NFS1: variants seen among roughly 807,000 people sequenced by gnomAD.
NFS1 encodes the protein cysteine desulfurase.
NFS1 carries 26 observed loss-of-function variants against 57.3 expected under a neutral mutation model. The ratio of observed to expected loss-of-function variants is 0.45; its 90% CI spans 0.33 to 0.63. The LOEUF is 0.63. NFS1 is among the 20% of genes least tolerant of loss of function. The pLI, the probability that NFS1 is intolerant of heterozygous loss-of-function variation, is 0.02. For missense variants in NFS1, 505 were observed against 605.8 expected, an observed-to-expected ratio of 0.83 and a Z score of 1.75; for synonymous variants, 209 against 216.3, an observed-to-expected ratio of 0.97 and a Z score of 0.30.
chr20:35,670,874 A>C (rs1335521321), intron 12 of NFS1, among the ~76,000 whole-genome samples: 1 of 152,210 alleles, frequency 6.6e-6, no homozygotes, highest in Non-Finnish European at 1.5e-5. Context: ...AAAAATCCAG[A>C]ACACAGAAAG....
At chr20:35,678,528 C>CA (rs1169564584) in intron 7 of NFS1, among the ~76,000 whole-genome samples, 2,174 of 56,810 alleles carry the variant, frequency 0.038, 36 homozygotes, top group Non-Finnish European at 0.048. Flanking sequence ...GACTTTGTCT[C>CA]AAAAAAAAAA....
intron 4 of NFS1, chr20:35,694,682 G>A (rs1017378488): frequency 5.9e-5 from 9 of 152,078 alleles, no homozygotes; most frequent in Non-Finnish European, 1.2e-4. Flanking sequence ...GAGGTCAGGA[G>A]ATCGAGACCA....
intron 7 of NFS1, among the ~76,000 whole-genome samples, chr20:35,676,775 A>AAAAAAAAAAAAC: frequency 6.7e-6 from 1 of 148,894 alleles, no homozygotes; most frequent in Non-Finnish European, 1.5e-5. Context: ...AAAAAAAAAA[A>AAAAAAAAAAAAC]AAAAAAAAAA....
At chr20:35,698,195 T>C (rs1196358276) in intron 2 of NFS1, among the ~76,000 whole-genome samples, 1 of 152,226 alleles carries the variant, frequency 6.6e-6, no homozygotes, top group Non-Finnish European at 1.5e-5. Flanking sequence ...TTAATACTTG[T>C]CCAAGTTCAC....
chr20:35,673,396 T>C (rs2034689152), intron 11 of NFS1, among the ~76,000 whole-genome samples: 1 of 152,132 alleles, frequency 6.6e-6, no homozygotes, highest in African/African-American at 2.4e-5. Flanking sequence ...AATGTGGGAC[T>C]CAGATATCAT....
At chr20:35,681,227 CAAAAT>C (rs1262861309) in intron 6 of NFS1, among the ~76,000 whole-genome samples, 1 of 136,156 alleles carries the variant, frequency 7.3e-6, no homozygotes. Flanking sequence ...ACAAACAAAA[CAAAAT>C]AAAAAAAAAA....
At chr20:35,682,264 G>A (rs1453226115) in intron 5 of NFS1, among the ~76,000 whole-genome samples, 1 of 152,152 alleles carries the variant, frequency 6.6e-6, no homozygotes, top group Admixed American at 6.5e-5. Flanking sequence ...CCCAGTAACT[G>A]TACACTTGGG....
intron 5 of NFS1, among the ~76,000 whole-genome samples, chr20:35,684,685 G>C (rs1012664606): frequency 6.6e-6 from 1 of 151,274 alleles, no homozygotes; most frequent in South Asian, 2.1e-4. Flanking sequence ...AGGTGGCAGA[G>C]GTTGCAATGA....
At position 35,677,899 on chromosome 20, in the gene NFS1, T is replaced by C. The variant is rs2034781321; in HGVS notation, c.791-2697A>G. ...AGTAACATAGTGAAACCTCTATCTCTACAAAAACTGTTTTAAAAATTAGCC... is the reference window on the plus strand; with the variant it reads ...AGTAACATAGTGAAACCTCTATCTCCACAAAAACTGTTTTAAAAATTAGCC... On this transcript the variant is annotated intron_variant, in intron 7 of 12. Coordinates refer to ENST00000374092, the MANE Select transcript of NFS1 (RefSeq NM_021100.5). 2.0e-5 allele frequency among the ~76,000 whole-genome samples: 3 copies of C among 152,056 alleles called. 1 individual carries two copies. In the South Asian group the frequency reaches 6.2e-4, roughly 31 times the overall value.
intron 4 of NFS1, among the ~76,000 whole-genome samples, chr20:35,691,722 G>A (rs1014802708): frequency 1.8e-5 from 2 of 109,718 alleles, no homozygotes; most frequent in Non-Finnish European, 3.4e-5. Context: ...CTGGGCAACA[G>A]AGCGAGACTG....
Position 35,683,168 on chromosome 20 carries a change from G to A in NFS1, c.562-1187C>T, listed in dbSNP as rs574214149. 9.9e-5 allele frequency among the ~76,000 whole-genome samples: 15 copies of A among 152,030 alleles called. No homozygotes were observed. In the South Asian group the frequency reaches 3.1e-3, roughly 32 times the overall value. ...ACATACTGTATGATTCCATCCACATGACAGTATGAAATGACAAAATTAAAG... is the reference window on the plus strand; with the variant it reads ...ACATACTGTATGATTCCATCCACATAACAGTATGAAATGACAAAATTAAAG... On this transcript the variant is annotated intron_variant, in intron 5 of 12. Coordinates refer to ENST00000374092, the MANE Select transcript of NFS1 (RefSeq NM_021100.5).
intron 7 of NFS1, chr20:35,675,533 G>GGTCAA (rs1874277078): frequency 3.4e-6 from 1 of 293,878 alleles, no homozygotes; most frequent in African/African-American, 2.3e-5. Context: ...TCAGGGTAAT[G>GGTCAA]GTCAAATAGA....
At chr20:35,684,003 C>T (rs1227590020) in intron 5 of NFS1, among the ~76,000 whole-genome samples, 3 of 151,918 alleles carry the variant, frequency 2.0e-5, no homozygotes, top group African/African-American at 4.8e-5. Flanking sequence ...ATCCCAGCTA[C>T]TCGGGAGGCT....
intron 4 of NFS1, among the ~76,000 whole-genome samples, chr20:35,695,764 G>A (rs540813859): frequency 1.8e-4 from 28 of 152,164 alleles, no homozygotes; most frequent in African/African-American, 4.6e-4. Flanking sequence ...GAGAAAGGCC[G>A]GGTACGGTGG....
intron 1 of NFS1, chr20:35,698,848 C>T: frequency 3.7e-6 from 5 of 1,353,898 alleles, no homozygotes; most frequent in Admixed American, 3.6e-5. Flanking sequence ...CTCTAAAGGG[C>T]AAAGACGTTT....
chr20:35,698,152 T>C (rs976426211), intron 2 of NFS1, among the ~76,000 whole-genome samples: 1 of 152,218 alleles, frequency 6.6e-6, no homozygotes, highest in Non-Finnish European at 1.5e-5. Context: ...TGGTCACACA[T>C]TGGTGAAAAC....
In NFS1 at chr20:35,691,725, C is replaced by T. The variant is rs1397623532; in HGVS notation, c.409-1160G>A. On this transcript the variant is annotated intron_variant, in intron 4 of 12. Transcript: ENST00000374092. ...TTGCACTCCAGCCTGGGCAACAGAG[C>T]GAGACTGCATCTCAAAAAAAAAAAA... is the stretch of plus-strand genomic sequence containing the variant. Among the ~76,000 whole-genome samples, 13 of 107,744 alleles carry T rather than the reference C, an allele frequency of 1.2e-4. No individual in the cohort carries two copies. The Admixed American group carries it at 1.5e-3, about 12-fold the overall frequency. 70.7% of individuals were successfully genotyped at this position (107,744 alleles called of 152,430 possible).
Position 35,697,675 on chromosome 20 carries a change from T to C in NFS1, c.324+9A>G, listed in dbSNP as rs770762730. ...GACCTTAGAACCTCCTAGACTCCTG[T>C]GTACTAACCTGACGAGCACGTTCCA... On this transcript the variant is annotated intron_variant, in intron 3 of 12. Transcript: ENST00000374092. 6.3e-7 allele frequency: 1 copy of C among 1,598,420 alleles called. No individual in the cohort carries two copies. The highest frequency in any genetic ancestry group is 8.6e-7 in the Non-Finnish European group (1 of 1,169,112).
At position 35,690,408 on chromosome 20, in the gene NFS1, C is replaced by T. The variant is rs1170441058; in HGVS notation, c.561+5G>A. On this transcript the variant is annotated splice_donor_5th_base_variant and intron_variant, in intron 5 of 12. Coordinates refer to ENST00000374092, the MANE Select transcript of NFS1 (RefSeq NM_021100.5). The stretch of plus-strand genomic sequence containing the variant: ...TTTGCTCCTCCTGCCAATAGCCACT[C>T]CTACCTTTAGGTCAATGATCCCACT... 1.5e-5 allele frequency: 24 copies of T among 1,611,946 alleles called. No homozygotes were observed. Among genetic ancestry groups the T allele is most frequent in the Non-Finnish European group, 2.0e-5 (24 of 1,179,580 alleles).
Sources: gnomAD v4.1 joint callset for allele counts (sites outside exome capture counted in the v4.1 genomes callset) on GRCh38, gnomAD v4.1.1 for gene constraint, MANE v1.5 for transcripts, NCBI Gene and HGNC (gene_info 2026-07-23, HGNC 2026-07-21) for gene names.